The following TIAM1 variants were observed in gnomAD, a reference collection of about 807,000 sequenced individuals.
TIAM1 encodes the protein rho guanine nucleotide exchange factor TIAM1.
A neutral mutation model predicts 163.5 loss-of-function variants in TIAM1; 65 were observed. The observed-to-expected ratio is 0.40, with a 90% CI of 0.33 to 0.49. TIAM1 has a LOEUF of 0.49. Ranked by LOEUF, TIAM1 falls within the 20% of genes least tolerant of loss-of-function variation. The pLI is 0.77. For synonymous variants in TIAM1, 833 were observed against 810.1 expected, an observed-to-expected ratio of 1.03 and a Z score of -0.48; for missense variants, 1,789 against 2,044.7, an observed-to-expected ratio of 0.87 and a Z score of 2.41.
In TIAM1 at chr21:31,253,891, G is replaced by A. The variant is rs568867286; in HGVS notation, c.964-1702C>T. On this transcript the variant is annotated intron_variant, in intron 4 of 27. Transcript: ENST00000541036. ...ATCAACCCACATTTCTCCTTGGCAG[G>A]GACATTGACCATATGCTTCCCTCTT... Among the ~76,000 whole-genome samples, 74 of 152,208 alleles carry A rather than the reference G, an allele frequency of 4.9e-4. 1 individual carries two copies. The South Asian group carries it at 0.012, about 25-fold the overall frequency.
In TIAM1 at chr21:31,485,962, C is replaced by T. The variant is rs879666292; in HGVS notation, c.-421-21927G>A. Among the ~76,000 whole-genome samples the T allele has an allele frequency of 1.1e-4, 16 of 152,168 alleles. 1 individual carries two copies. Among genetic ancestry groups the T allele is most frequent in the Admixed American group, 5.2e-4 (8 of 15,274 alleles). ...TCTACGCCCTGCCTAACCACATGTT[C>T]GCAGTGCCTGGTTCTCTGATTCCCT... On this transcript the variant is annotated intron_variant, in intron 1 of 28. Coordinates refer to the TIAM1 transcript ENST00000286827.
At chr21:31,317,361 G>A (rs2075161979) in intron 2 of TIAM1, among the ~76,000 whole-genome samples, 1 of 152,212 alleles carries the variant, frequency 6.6e-6, no homozygotes, top group Non-Finnish European at 1.5e-5. Context: ...GGCTGAGGAG[G>A]AGAATTGCTT....
intron 1 of TIAM1, among the ~76,000 whole-genome samples, chr21:31,493,048 G>C (rs1420736884): frequency 6.6e-6 from 1 of 151,990 alleles, no homozygotes; most frequent in Non-Finnish European, 1.5e-5. Context: ...TATCTCCAGT[G>C]CTTGGAACTG....
chr21:31,460,755 A>G (rs970524140), intron 2 of TIAM1, among the ~76,000 whole-genome samples: 1 of 152,240 alleles, frequency 6.6e-6, no homozygotes, highest in Non-Finnish European at 1.5e-5. Context: ...ACATTATGAC[A>G]CCAATTATAT....
chr21:31,366,781 C>A (rs2076511088), intron 2 of TIAM1, among the ~76,000 whole-genome samples: 1 of 152,084 alleles, frequency 6.6e-6, no homozygotes, highest in South Asian at 2.1e-4. Context: ...TCATGCCTGG[C>A]CAATTTTTCT....
chr21:31,167,701 C>A (rs2084303591), intron 15 of TIAM1, among the ~76,000 whole-genome samples: 1 of 152,138 alleles, frequency 6.6e-6, no homozygotes, highest in Admixed American at 6.5e-5. Context: ...TTCGTAGGTA[C>A]ACTTGGCACT....
In TIAM1 at chr21:31,210,741, AGGAAGGG is replaced by A. The variant is rs1371404314; in HGVS notation, c.2218-533_2218-527del. Among the ~76,000 whole-genome samples the A allele has an allele frequency of 3.6e-3, 436 of 120,134 alleles. 19 individuals carry two copies. The highest frequency in any genetic ancestry group is 0.012 in the East Asian group (47 of 4,006). 78.8% of individuals were successfully genotyped at this position (120,134 alleles called of 152,430 possible). ...AGAAAGAAAGAAAGAGAAAGAAGGAAGGAAGGGAGAAAGAAAGAAAGAAAGAAAGAAA... is the reference window on the plus strand; with the variant it reads ...AGAAAGAAAGAAAGAGAAAGAAGGAAAGAAAGAAAGAAAGAAAGAAAGAAA... On this transcript the variant is annotated intron_variant, in intron 10 of 27. Transcript: ENST00000541036.
At chr21:31,553,194 G>A (rs749175784) in intron 1 of TIAM1, among the ~76,000 whole-genome samples, 62 of 152,144 alleles carry the variant, frequency 4.1e-4, no homozygotes, top group Non-Finnish European at 7.2e-4. Flanking sequence ...ATGACACCAG[G>A]CAACAGGCAT....
chr21:31,372,410 A>G (rs769376168), intron 2 of TIAM1, among the ~76,000 whole-genome samples: 13 of 152,176 alleles, frequency 8.5e-5, no homozygotes, highest in Admixed American at 1.3e-4. Flanking sequence ...GTTTGAACTG[A>G]GTGCCCAGTA....
intron 16 of TIAM1, among the ~76,000 whole-genome samples, chr21:31,164,735 G>C (rs2084123262): frequency 6.6e-6 from 1 of 152,216 alleles, no homozygotes; most frequent in South Asian, 2.1e-4. Context: ...TTTAAGAAAA[G>C]GGATTTTATT....
At chr21:31,489,725 T>C (rs2046403871) in intron 1 of TIAM1, among the ~76,000 whole-genome samples, 1 of 152,038 alleles carries the variant, frequency 6.6e-6, no homozygotes, top group African/African-American at 2.4e-5. Context: ...CCCTGGAGTC[T>C]GAGACAGCAT....
rs901791684 is a variant in TIAM1 at position 31,165,150 on chromosome 21, C to A, written c.2888-85G>T. ...CCCCTGTGTGAGGGGGACAAGGAAT[C>A]TCGCTCATGACATGTACATATACTG... On this transcript the variant is annotated intron_variant, in intron 15 of 27. Transcript: ENST00000541036. The A allele has an allele frequency of 1.6e-5, 19 of 1,223,648 alleles. No homozygotes were observed. The African/African-American group carries it at 2.7e-4, about 17-fold the overall frequency. 75.8% of individuals were successfully genotyped at this position (1,223,648 alleles called of 1,614,324 possible). A position where few individuals can be genotyped will look rare whatever the true frequency, so the allele number is the denominator to read the frequency against.
intron 1 of TIAM1, among the ~76,000 whole-genome samples, chr21:31,538,691 T>C (rs756808352): frequency 6.6e-6 from 1 of 152,210 alleles, no homozygotes; most frequent in South Asian, 2.1e-4. Flanking sequence ...AAAAGAAATA[T>C]GGACATGACA....
intron 2 of TIAM1, among the ~76,000 whole-genome samples, chr21:31,456,939 A>G (rs2284518): frequency 0.093 from 14,082 of 152,132 alleles, 892 homozygotes; most frequent in East Asian, 0.13. Flanking sequence ...GGATCCATAC[A>G]AGACCCAACA....
intron 1 of TIAM1, among the ~76,000 whole-genome samples, chr21:31,492,122 A>G (rs2046489523): frequency 6.6e-6 from 1 of 152,178 alleles, no homozygotes; most frequent in African/African-American, 2.4e-5. Context: ...GAACACACAG[A>G]GAGAGAGAAA....
intron 1 of TIAM1, among the ~76,000 whole-genome samples, chr21:31,535,381 A>C (rs997003327): frequency 5.8e-5 from 1 of 17,256 alleles, no homozygotes. Flanking sequence ...GCTCCATCTC[A>C]AAAAAAAAAA....
At chr21:31,350,532 C>T (rs1289686736) in intron 2 of TIAM1, among the ~76,000 whole-genome samples, 6 of 152,040 alleles carry the variant, frequency 3.9e-5, no homozygotes, top group African/African-American at 1.2e-4. Context: ...AGTTGAGCAC[C>T]ATCCCCTTGG....
chr21:31,202,915 T>A lies in TIAM1; in HGVS notation c.2486A>T (p.Tyr829Phe), dbSNP rs142869227. Residue 829 changes from tyrosine (Y) to phenylalanine (F), a missense_variant, in exon 12 of 28, where the codon TAT becomes TTT. This residue lies in a region of TIAM1 where 456 missense variants were observed against 586.6 expected (regional missense o/e 0.78). Coordinates refer to ENST00000541036, the MANE Select transcript of TIAM1 (RefSeq NM_001353694.2). ...CAACAGTCATAACATTACCAGCTCA[T>A]AGATGTCTTCCTCGGGCTGTGGAAC... is the stretch of plus-strand genomic sequence containing the variant. ...LYVPQPEEDI[Y>F]ELLYKEIEIC... 6.2e-7 allele frequency: 1 copy of A among 1,613,758 alleles called. No homozygotes were observed. Among genetic ancestry groups the A allele is most frequent in the Non-Finnish European group, 8.5e-7 (1 of 1,179,760 alleles).
chr21:31,512,004 C>T (rs2047225142), intron 1 of TIAM1, among the ~76,000 whole-genome samples: 1 of 152,198 alleles, frequency 6.6e-6, no homozygotes, highest in South Asian at 2.1e-4. Flanking sequence ...TGGCAAACTC[C>T]TGGGTATGTC....
Sources: gnomAD v4.1 joint callset for allele counts (sites outside exome capture counted in the v4.1 genomes callset) on GRCh38, gnomAD v4.1.1 for gene constraint, gnomAD v4.1.1 regional missense constraint, MANE v1.5 for transcripts, NCBI Gene and HGNC (gene_info 2026-07-23, HGNC 2026-07-21) for gene names.